Variants in E2F3 observed in about 807,000 individuals in gnomAD.
E2F3 encodes transcription factor E2F3.
Under a neutral mutation model 44.4 loss-of-function variants are expected in E2F3, and 11 were observed. That is an observed-to-expected ratio of 0.25 (90% CI 0.16 to 0.41). The LOEUF (loss-of-function observed/expected upper bound fraction) is 0.41. Among genes scored for constraint, E2F3 ranks in the 10% least tolerant of loss-of-function variants. E2F3 has a pLI of 1.00. For missense variants in E2F3, 487 were observed against 583.6 expected (o/e 0.83, Z 1.70); for synonymous variants, 249 against 253.0 (o/e 0.98, Z 0.15).
intron 1 of E2F3, among the ~76,000 whole-genome samples, chr6:20,477,094 A>T (rs1581648224): frequency 6.6e-6 from 1 of 152,092 alleles, no homozygotes; most frequent in African/African-American, 2.4e-5. Flanking sequence ...ATTTAGATAG[A>T]TCTTTTGACT....
intron 6 of E2F3, 32 bp downstream of exon 6, chr6:20,488,280 A>T: frequency 6.4e-7 from 1 of 1,556,100 alleles, no homozygotes; most frequent in Non-Finnish European, 8.6e-7. Flanking sequence ...TTTAGAAACT[A>T]TGTTAAAAAT....
chr6:20,409,552 G>C (rs1435562681), intron 1 of E2F3, among the ~76,000 whole-genome samples: 1 of 152,168 alleles, frequency 6.6e-6, no homozygotes, highest in African/African-American at 2.4e-5. Flanking sequence ...CCAACATCCT[G>C]AGTGACTGTC....
chr6:20,424,658 T>G (rs990979902), intron 1 of E2F3, among the ~76,000 whole-genome samples: 3 of 152,072 alleles, frequency 2.0e-5, no homozygotes, highest in African/African-American at 7.3e-5. Context: ...AAATTGAGCT[T>G]CTTCTCCCCC....
At chr6:20,457,347 TC>T (rs1761340773) in intron 1 of E2F3, among the ~76,000 whole-genome samples, 1 of 99,820 alleles carries the variant, frequency 1.0e-5, no homozygotes, top group African/African-American at 3.5e-5. Context: ...GCTTATTTTT[TC>T]TTTTTTTTTT....
At chr6:20,458,418 A>C (rs995175724) in intron 1 of E2F3, among the ~76,000 whole-genome samples, 13 of 152,170 alleles carry the variant, frequency 8.5e-5, no homozygotes, top group African/African-American at 3.1e-4. Context: ...TACCTACCAG[A>C]GTTGGTTGCT....
intron 1 of E2F3, among the ~76,000 whole-genome samples, chr6:20,464,651 T>G (rs982877790): frequency 6.6e-6 from 1 of 152,204 alleles, no homozygotes; most frequent in Non-Finnish European, 1.5e-5. Flanking sequence ...CACGTCCAAT[T>G]AATATTGCTC....
chr6:20,413,372 G>A (rs1339568430), intron 1 of E2F3, among the ~76,000 whole-genome samples: 1 of 152,128 alleles, frequency 6.6e-6, no homozygotes, highest in African/African-American at 2.4e-5. Flanking sequence ...GATTGTCCAG[G>A]TGAAGGCAGG....
chr6:20,445,733 A>G (rs997145887), intron 1 of E2F3, among the ~76,000 whole-genome samples: 1 of 152,232 alleles, frequency 6.6e-6, no homozygotes, highest in Non-Finnish European at 1.5e-5. Flanking sequence ...CAATTTGACC[A>G]TAGGCTAATT....
intron 1 of E2F3, among the ~76,000 whole-genome samples, chr6:20,473,632 C>T (rs1432270839): frequency 2.0e-5 from 3 of 152,140 alleles, no homozygotes; most frequent in African/African-American, 7.2e-5. Flanking sequence ...GCATGTGTGC[C>T]TTTGGGTATG....
intron 1 of E2F3, chr6:20,403,831 A>G: frequency 6.7e-7 from 1 of 1,493,684 alleles, no homozygotes; most frequent in Non-Finnish European, 8.9e-7. Flanking sequence ...TTACAGCAGC[A>G]GGTTAGTGAC....
At chr6:20,403,670 G>T (rs1759387421) in intron 1 of E2F3, 2 of 481,970 alleles carry the variant, frequency 4.1e-6, no homozygotes, top group South Asian at 2.6e-5. Context: ...CCTCGCACCC[G>T]CCCCCGGCAC....
At position 20,402,751 on chromosome 6, in the gene E2F3, T is replaced by A; in HGVS notation, c.393+126T>A. The A allele has an allele frequency of 8.0e-7, 1 of 1,246,276 alleles. No homozygotes were observed. Among genetic ancestry groups the A allele is most frequent in the Non-Finnish European group, 1.0e-6 (1 of 996,470 alleles). The allele number at this position is 1,246,276 out of a possible 1,614,324, so 77.2% of individuals were successfully genotyped here. On this transcript the variant is annotated intron_variant, in intron 1 of 6. Transcript: ENST00000346618. The surrounding 1 kb of genome is among the most constrained non-coding windows in gnomAD (Gnocchi z 5.6). ...GCCGAGCATCGTGGGCCTCGGGGGC[T>A]GCCCCTCCAACGAGGGTTCATTGTT... is the stretch of plus-strand genomic sequence containing the variant.
At chr6:20,473,761 G>A (rs970971794) in intron 1 of E2F3, among the ~76,000 whole-genome samples, 2 of 152,148 alleles carry the variant, frequency 1.3e-5, no homozygotes, top group Admixed American at 1.3e-4. Flanking sequence ...AATGCCCAGT[G>A]AAAAGAACCC....
intron 1 of E2F3, among the ~76,000 whole-genome samples, chr6:20,472,851 T>C (rs1477130067): frequency 6.6e-6 from 1 of 152,186 alleles, no homozygotes; most frequent in East Asian, 1.9e-4. Context: ...ATATGTCTGC[T>C]TAAGTAAATA....
At chr6:20,433,583 A>T (rs962351245) in intron 1 of E2F3, among the ~76,000 whole-genome samples, 2 of 152,202 alleles carry the variant, frequency 1.3e-5, no homozygotes, top group Non-Finnish European at 2.9e-5. Flanking sequence ...TATGCTCATC[A>T]TGACTTCAAA....
intron 1 of E2F3, among the ~76,000 whole-genome samples, chr6:20,447,981 G>T (rs2127599318): frequency 6.6e-6 from 1 of 152,288 alleles, no homozygotes; most frequent in East Asian, 1.9e-4. Flanking sequence ...TAGAACATTG[G>T]TAATCCATCA....
chr6:20,478,990 C>G (rs1416060996), intron 1 of E2F3, among the ~76,000 whole-genome samples: 1 of 152,132 alleles, frequency 6.6e-6, no homozygotes, highest in Non-Finnish European at 1.5e-5. Flanking sequence ...CTCGAAGCCC[C>G]TTATCTATCT....
At chr6:20,445,114 G>T (rs1307820282) in intron 1 of E2F3, 3 of 985,328 alleles carry the variant, frequency 3.0e-6, no homozygotes, top group Non-Finnish European at 3.6e-6. Flanking sequence ...GCGGGTCATG[G>T]TGAGTTGGTC....
intron 1 of E2F3, among the ~76,000 whole-genome samples, chr6:20,475,731 G>T (rs1312485179): frequency 6.6e-6 from 1 of 152,144 alleles, no homozygotes; most frequent in Admixed American, 6.5e-5. Flanking sequence ...GACCTCAGGT[G>T]ATCTGCCTAC....
Sources: gnomAD v4.1 joint callset for allele counts (sites outside exome capture counted in the v4.1 genomes callset) on GRCh38, gnomAD v4.1.1 for gene constraint, Gnocchi (gnomAD v3.1) non-coding constraint, MANE v1.5 for transcripts, NCBI Gene and HGNC (gene_info 2026-07-23, HGNC 2026-07-21) for gene names.